ITGB3: variants seen among roughly 807,000 people sequenced by gnomAD.
ITGB3 encodes integrin beta-3.
In ITGB3, 48 loss-of-function variants were observed where a neutral mutation model predicts 85.8. The ratio of observed to expected loss-of-function variants is 0.56; its 90% CI spans 0.44 to 0.71. The LOEUF is 0.71. Among genes scored for constraint, ITGB3 ranks in the 30% least tolerant of loss-of-function variants. The pLI, the probability that ITGB3 is intolerant of heterozygous loss-of-function variation, is 0.00. For synonymous variants in ITGB3, 363 were observed against 395.6 expected, an observed-to-expected ratio of 0.92 and a Z score of 0.98; for missense variants, 861 against 1,019.1, an observed-to-expected ratio of 0.84 and a Z score of 2.11.
intron 1 of ITGB3, among the ~76,000 whole-genome samples, chr17:47,262,221 G>A (rs910111621): frequency 6.6e-6 from 1 of 152,104 alleles, no homozygotes; most frequent in Non-Finnish European, 1.5e-5. Flanking sequence ...TTAGCACCGC[G>A]GCCTGCTGTC....
intron 12 of ITGB3, 116 bp from the exon 13 acceptor site, chr17:47,302,605 G>T: frequency 8.0e-7 from 1 of 1,248,648 alleles, no homozygotes. Flanking sequence ...TCGTGCACAT[G>T]AGGCACAGGG....
At chr17:47,309,577 T>C (rs1483832610) in intron 14 of ITGB3, among the ~76,000 whole-genome samples, 1 of 152,078 alleles carries the variant, frequency 6.6e-6, no homozygotes. Context: ...TGAAGAGTGA[T>C]AGGCTGAATA....
At chr17:47,287,911 CT>C (rs60463106) in intron 6 of ITGB3, among the ~76,000 whole-genome samples, 784 of 55,342 alleles carry the variant, frequency 0.014, 1 homozygote, top group East Asian at 0.044. Context: ...ACCACCCCTG[CT>C]TTTTTTTTTT....
chr17:47,307,346 T>G (rs2065192393), intron 13 of ITGB3, 125 bp from the exon 14 acceptor site: 1 of 1,081,034 alleles, frequency 9.3e-7, no homozygotes, highest in African/African-American at 1.6e-5. Context: ...AAAAATTAAT[T>G]TTTGAAAACT....
Position 47,299,255 on chromosome 17 carries a change from T to A in ITGB3, c.1691-53T>A. The A allele has an allele frequency of 6.5e-7, 1 of 1,527,072 alleles. No homozygotes were observed. The highest frequency in any genetic ancestry group is 1.4e-5 in the African/African-American group (1 of 73,524). 94.6% of individuals were successfully genotyped at this position (1,527,072 alleles called of 1,614,324 possible). A position where few individuals can be genotyped will look rare whatever the true frequency, so the allele number is the denominator to read the frequency against. Reference sequence around the variant, plus strand: ...GATGGTCGTGTGTAGCCTGCTGCCATGGGAGTGGAGCTCTCGCCAGCGGGT... The same window carrying A: ...GATGGTCGTGTGTAGCCTGCTGCCAAGGGAGTGGAGCTCTCGCCAGCGGGT... On this transcript the variant is annotated intron_variant, in intron 10 of 14. Transcript: ENST00000559488. The surrounding 1 kb of genome is among the most constrained non-coding windows in gnomAD (Gnocchi z 5.1).
rs576343317 is a variant in ITGB3 at position 47,293,523 on chromosome 17, G to C, written c.1690+955G>C. Among the ~76,000 whole-genome samples the C allele has an allele frequency of 3.3e-5, 5 of 152,236 alleles. No homozygotes were observed. The East Asian group carries it at 9.6e-4, about 29-fold the overall frequency. On this transcript the variant is annotated intron_variant, in intron 10 of 14. Coordinates refer to ENST00000559488, the MANE Select transcript of ITGB3 (RefSeq NM_000212.3). ...ACAGACACAAGTTGGTTGGGACTGGGTTACGGGTGTATTGTGTGGCCAAAC... is the reference window on the plus strand; with the variant it reads ...ACAGACACAAGTTGGTTGGGACTGGCTTACGGGTGTATTGTGTGGCCAAAC...
chr17:47,288,733 C>T (rs1256793821), intron 6 of ITGB3, among the ~76,000 whole-genome samples: 1 of 152,218 alleles, frequency 6.6e-6, no homozygotes, highest in Admixed American at 6.5e-5. Flanking sequence ...GACCCCTAAT[C>T]TATGCAAGGC....
intron 1 of ITGB3, among the ~76,000 whole-genome samples, chr17:47,261,692 G>A (rs1286356193): frequency 6.6e-6 from 1 of 152,042 alleles, no homozygotes; most frequent in African/African-American, 2.4e-5. Context: ...GCTAATTTTT[G>A]TGTTTTTGAT....
intron 2 of ITGB3, among the ~76,000 whole-genome samples, chr17:47,278,148 C>A (rs1481770186): frequency 6.6e-6 from 1 of 152,178 alleles, no homozygotes; most frequent in East Asian, 1.9e-4. Flanking sequence ...CAAGTGATTT[C>A]TTGTCCTCAC....
In ITGB3 at chr17:47,312,585, T is replaced by G. The variant is rs1291282622; in HGVS notation, c.*2381T>G. Among the ~76,000 whole-genome samples, 1 of 152,232 alleles carries G rather than the reference T, an allele frequency of 6.6e-6. No homozygotes were observed. Among genetic ancestry groups the G allele is most frequent in the Non-Finnish European group, 1.5e-5 (1 of 68,044 alleles). On this transcript the variant is annotated 3_prime_UTR_variant, in exon 15 of 15. Transcript: ENST00000559488. ...TCCATGAGAGTGTTAATGGGACATTTTCTTTAGATAAGATGTTTTATATGA... is the reference window on the plus strand; with the variant it reads ...TCCATGAGAGTGTTAATGGGACATTGTCTTTAGATAAGATGTTTTATATGA...
At chr17:47,259,669 G>C (rs1333895161) in intron 1 of ITGB3, among the ~76,000 whole-genome samples, 1 of 152,190 alleles carries the variant, frequency 6.6e-6, no homozygotes, top group Non-Finnish European at 1.5e-5. Flanking sequence ...GGAGGCCGAG[G>C]CGGGCGGATC....
rs58365772 is a variant in ITGB3 at position 47,312,531 on chromosome 17, G to A, written c.*2327G>A. Among the ~76,000 whole-genome samples, 8,204 of 152,246 alleles carry A rather than the reference G, an allele frequency of 0.054. 310 individuals are homozygous for A. Among genetic ancestry groups the A allele is most frequent in the East Asian group, 0.15 (782 of 5,178 alleles). On this transcript the variant is annotated 3_prime_UTR_variant, in exon 15 of 15. Coordinates refer to ENST00000559488, the MANE Select transcript of ITGB3 (RefSeq NM_000212.3). ...GACAGGTGTGGTGGCTCACGCCTGT[G>A]ATTATAATCTTCAGTTACTAAGACA... is the stretch of plus-strand genomic sequence containing the variant.
At position 47,299,358 on chromosome 17, in the gene ITGB3, G is replaced by C; in HGVS notation, c.1741G>C (p.Gly581Arg). 1.2e-6 allele frequency: 2 copies of C among 1,614,172 alleles called. No homozygotes were observed. The highest frequency in any genetic ancestry group is 1.7e-6 in the Non-Finnish European group (2 of 1,180,038). Residue 581 changes from glycine to arginine, a missense_variant, in exon 11 of 15, where the codon GGC becomes CGC. Transcript: ENST00000559488. This position sits in a 1 kb window ranked among gnomAD's most constrained non-coding sequence, Gnocchi z 5.1. ...GDCLCDSDWTGYYCNCTTRTD... is the reference protein window; with the variant it reads ...GDCLCDSDWTRYYCNCTTRTD... ...CTGCCTGTGTGACTCCGACTGGACC[G>C]GCTACTACTGCAACTGTACCACGCG...
chr17:47,291,954 C>T (rs1476875619), intron 9 of ITGB3, among the ~76,000 whole-genome samples, 185 bp from the exon 10 acceptor site: 2 of 152,186 alleles, frequency 1.3e-5, no homozygotes, highest in African/African-American at 4.8e-5. Flanking sequence ...ATACTATTCC[C>T]GTGCTTGTGT....
chr17:47,292,590 CCT>C (rs945520476), intron 10 of ITGB3, 22 bp downstream of exon 10: 1 of 1,599,286 alleles, frequency 6.3e-7, no homozygotes, highest in Non-Finnish European at 8.5e-7. Flanking sequence ...TGCAGGGCCC[CCT>C]GTCCTGGAAC....
intron 14 of ITGB3, among the ~76,000 whole-genome samples, chr17:47,309,202 C>T (rs772500747): frequency 4.6e-5 from 7 of 151,432 alleles, no homozygotes; most frequent in Non-Finnish European, 8.8e-5. Flanking sequence ...CACACATCAC[C>T]GAGCCAGCTA....
At chr17:47,307,975 G>T (rs980047063) in intron 14 of ITGB3, among the ~76,000 whole-genome samples, 3 of 151,986 alleles carry the variant, frequency 2.0e-5, no homozygotes, top group East Asian at 3.9e-4. Flanking sequence ...AGACCAGCCT[G>T]GGCAACATGG....
intron 9 of ITGB3, 59 bp from the exon 10 acceptor site, chr17:47,292,080 A>C: frequency 1.9e-6 from 3 of 1,571,414 alleles, no homozygotes; most frequent in Non-Finnish European, 2.6e-6. Context: ...TTTTTCCTCC[A>C]GAGCTGGAGT....
At chr17:47,292,629 A>T in intron 10 of ITGB3, 61 bp downstream of exon 10, 2 of 1,558,560 alleles carry the variant, frequency 1.3e-6, no homozygotes, top group Non-Finnish European at 1.7e-6. Context: ...ACCTGCAACC[A>T]CTGGAAACAT....
Sources: allele counts gnomAD v4.1 joint callset (sites outside exome capture counted in the v4.1 genomes callset), GRCh38; gene constraint gnomAD v4.1.1; non-coding constraint Gnocchi (gnomAD v3.1); transcripts MANE v1.5; gene names NCBI Gene and HGNC (gene_info 2026-07-23, HGNC 2026-07-21).